ZC4H2: variants seen among roughly 807,000 people sequenced by gnomAD.
ZC4H2 encodes the protein zinc finger C4H2 domain-containing protein.
For missense variants in ZC4H2, 137 were observed against 173.9 expected (o/e 0.79, Z 1.19); for synonymous variants, 84 against 66.3 (o/e 1.27, Z -1.30).
intron 1 of ZC4H2, among the ~76,000 whole-genome samples, chrX:64,952,179 T>C (rs1930878323): frequency 9.0e-6 from 1 of 110,752 alleles, no homozygotes; most frequent in African/African-American, 3.3e-5. Flanking sequence ...TTGGTACCAG[T>C]ACCATGCTGT....
chrX:64,950,311 G>T (rs1193131850), intron 1 of ZC4H2, among the ~76,000 whole-genome samples: 1 of 111,828 alleles, frequency 8.9e-6, no homozygotes, highest in African/African-American at 3.3e-5. Context: ...GTGCTGAGAA[G>T]AATGTATATT....
chrX:64,978,913 T>C (rs1054251273), upstream of ZC4H2, among the ~76,000 whole-genome samples: 1 of 111,557 alleles, frequency 9.0e-6, no homozygotes, highest in African/African-American at 3.3e-5. Flanking sequence ...TTAAATTTAA[T>C]GTCTCTCTCT....
intron 1 of ZC4H2, among the ~76,000 whole-genome samples, chrX:65,005,435 G>C (rs928583007): frequency 7.2e-5 from 8 of 111,073 alleles, no homozygotes; most frequent in African/African-American, 2.7e-4. Flanking sequence ...CACACATCTA[G>C]AACCATCTGA....
intron 4 of ZC4H2, 81 bp downstream of exon 4, chrX:64,918,961 A>G: frequency 9.1e-7 from 1 of 1,094,606 alleles, no homozygotes; most frequent in Non-Finnish European, 1.2e-6. Context: ...AAATAAAGCC[A>G]AAGACCCAGA....
chrX:65,021,543 G>T (rs1390013481), intron 1 of ZC4H2, among the ~76,000 whole-genome samples: 2 of 111,263 alleles, frequency 1.8e-5, no homozygotes, highest in African/African-American at 6.7e-5. Context: ...GAAATTTATA[G>T]CACTAATTAA....
intron 2 of ZC4H2, among the ~76,000 whole-genome samples, chrX:64,921,221 C>T (rs1602381754): frequency 1.8e-5 from 2 of 111,917 alleles, no homozygotes; most frequent in East Asian, 5.6e-4. Flanking sequence ...TTTGAAAAGA[C>T]CTTACTGGTC....
chrX:64,934,218 G>C (rs185468031), intron 1 of ZC4H2, among the ~76,000 whole-genome samples: 1 of 112,347 alleles, frequency 8.9e-6, no homozygotes, highest in Admixed American at 9.4e-5. Flanking sequence ...AGATTGCAGT[G>C]ACTGGAAGAT....
At chrX:64,941,924 G>A (rs1930300982) in intron 1 of ZC4H2, among the ~76,000 whole-genome samples, 1 of 112,175 alleles carries the variant, frequency 8.9e-6, no homozygotes. Context: ...TTAGGGAGGA[G>A]TCCCTCTTTT....
At chrX:65,024,849 A>G (rs910704974) in intron 1 of ZC4H2, among the ~76,000 whole-genome samples, 2 of 111,724 alleles carry the variant, frequency 1.8e-5, no homozygotes, top group Non-Finnish European at 3.8e-5. Context: ...TTGAGTAGAC[A>G]TGAATGTAAC....
chrX:65,031,362 C>T (rs1932931909), intron 1 of ZC4H2, among the ~76,000 whole-genome samples: 1 of 111,322 alleles, frequency 9.0e-6, no homozygotes. Context: ...ATATTTTTAT[C>T]CCCTTTTGGC....
At chrX:64,935,740 G>A (rs1365994928) in intron 1 of ZC4H2, among the ~76,000 whole-genome samples, 1 of 111,980 alleles carries the variant, frequency 8.9e-6, no homozygotes, top group African/African-American at 3.3e-5. Context: ...GGGCCCGACT[G>A]TTAGAAGGAA....
intron 1 of ZC4H2, among the ~76,000 whole-genome samples, chrX:64,929,662 A>G (rs1448095765): frequency 9.0e-6 from 1 of 111,278 alleles, no homozygotes; most frequent in Non-Finnish European, 1.9e-5. Context: ...CTTTGTCAAT[A>G]CTTACAGAAG....
intron 1 of ZC4H2, among the ~76,000 whole-genome samples, chrX:65,003,845 C>A (rs1387691020): frequency 9.2e-6 from 1 of 108,260 alleles, no homozygotes; most frequent in Non-Finnish European, 1.9e-5. Context: ...CCACTGCACT[C>A]CAGCCTGGGT....
intron 1 of ZC4H2, among the ~76,000 whole-genome samples, chrX:64,923,211 A>C (rs1461549335): frequency 1.8e-5 from 2 of 112,211 alleles, no homozygotes; most frequent in African/African-American, 6.5e-5. Flanking sequence ...TTACAATTTC[A>C]AAACATACAT....
intron 1 of ZC4H2, among the ~76,000 whole-genome samples, chrX:64,947,706 G>C (rs1930603823): frequency 8.9e-6 from 1 of 112,028 alleles, no homozygotes; most frequent in South Asian, 3.7e-4. Flanking sequence ...AACAATAGCT[G>C]AGCCTTGGCT....
intron 1 of ZC4H2, among the ~76,000 whole-genome samples, chrX:64,938,880 G>T (rs1930139144): frequency 8.9e-6 from 1 of 112,120 alleles, no homozygotes; most frequent in South Asian, 3.7e-4. Context: ...ACTGGCACAA[G>T]ACATGGATGC....
chrX:65,005,647 G>A (rs1004768935), intron 1 of ZC4H2, among the ~76,000 whole-genome samples: 6 of 111,253 alleles, frequency 5.4e-5, no homozygotes, highest in Non-Finnish European at 9.4e-5. Flanking sequence ...ACATAGGCAC[G>A]GGCAAAGACT....
chrX:64,944,570 C>A (rs750928291), intron 1 of ZC4H2, among the ~76,000 whole-genome samples: 23 of 110,913 alleles, frequency 2.1e-4, no homozygotes, highest in African/African-American at 7.5e-4. Flanking sequence ...GGTTGCTCTT[C>A]TTGAGGAGTA....
chrX:64,945,930 C>A (rs1304524583), intron 1 of ZC4H2, among the ~76,000 whole-genome samples: 1 of 110,923 alleles, frequency 9.0e-6, no homozygotes, highest in Non-Finnish European at 1.9e-5. Context: ...GCCCCTCCCC[C>A]CACCAAGCTC....
Sources: gnomAD v4.1 joint callset for allele counts (sites outside exome capture counted in the v4.1 genomes callset) on GRCh38, gnomAD v4.1.1 for gene constraint, MANE v1.5 for transcripts, NCBI Gene and HGNC (gene_info 2026-07-23, HGNC 2026-07-21) for gene names.